The following PRC1 variants were observed in gnomAD, a reference collection of about 807,000 sequenced individuals.
The protein encoded by PRC1 is anaphase spindle elongation 1 homolog.
Under a neutral mutation model 91.2 loss-of-function variants are expected in PRC1, and 54 were observed. That is an observed-to-expected ratio of 0.59 (90% CI 0.48 to 0.74). PRC1 has a LOEUF of 0.74. Ranked by LOEUF, PRC1 falls within the 30% of genes least tolerant of loss-of-function variation. The pLI is 0.00. For synonymous variants in PRC1, 275 were observed against 263.6 expected (o/e 1.04, Z -0.42); for missense variants, 727 against 746.2 (o/e 0.97, Z 0.30).
rs61067469 is a variant in PRC1 at position 90,969,763 on chromosome 15, CATATAT to C, written c.1573-146_1573-141del. The stretch of plus-strand genomic sequence containing the variant: ...CTATACTTTTTAGTTAAAAAAAAAA[CATATAT>C]ATATATATATATATATATATATATA... On this transcript the variant is annotated intron_variant, in intron 12 of 14. Coordinates refer to ENST00000394249, the MANE Select transcript of PRC1 (RefSeq NM_003981.4). The C allele has an allele frequency of 6.7e-3, 872 of 130,748 alleles. 9 individuals carry two copies. Among genetic ancestry groups the C allele is most frequent in the South Asian group, 0.016 (58 of 3,600 alleles). 8.1% of individuals were successfully genotyped at this position (130,748 alleles called of 1,614,324 possible).
At position 90,974,648 on chromosome 15, in the gene PRC1, C is replaced by T. The variant is rs150537199; in HGVS notation, c.1287G>A (p.Met429Ile). 48 of 1,614,120 alleles carry T rather than the reference C, an allele frequency of 3.0e-5. No homozygotes were observed. Among genetic ancestry groups the T allele is most frequent in the Non-Finnish European group, 4.0e-5 (47 of 1,180,054 alleles). ...KAFMVNGQKF[M>I]EYVAEQWEMH... The stretch of plus-strand genomic sequence containing the variant: ...TCTCCCATTGTTCTGCCACATACTC[C>T]ATGAATTTCTGCCCATTCACCATAA... Residue 429 changes from methionine to isoleucine, a missense_variant, in exon 10 of 15, where the codon ATG (methionine) becomes ATA (isoleucine). By Grantham distance (10) the Met-to-Ile change is conservative. Transcript: ENST00000394249. The surrounding 1 kb of genome is among the most constrained non-coding windows in gnomAD (Gnocchi z 4.6).
Position 90,969,449 on chromosome 15 carries a change from C to T in PRC1, c.1747G>A (p.Ala583Thr). 1 of 1,593,546 alleles carries T rather than the reference C, an allele frequency of 6.3e-7. No individual in the cohort carries two copies. The highest frequency in any genetic ancestry group is 8.6e-7 in the Non-Finnish European group (1 of 1,167,754). ...NSVASTYSEF[A>T]KDPSLSDSST... The stretch of plus-strand genomic sequence containing the variant: ...AGATATTAGAAAAGGTGAATTACCG[C>T]AAACTCAGAATAGGTGCTGGCAACA... Residue 583 changes from alanine to threonine, a missense_variant and splice_region_variant, in exon 13 of 15, where the codon GCG becomes ACG. Ala to Thr is a moderately conservative substitution (Grantham distance 58). Transcript: ENST00000394249.
At chr15:90,977,970 G>T (rs1202675331) in intron 8 of PRC1, among the ~76,000 whole-genome samples, 1 of 152,190 alleles carries the variant, frequency 6.6e-6, no homozygotes, top group African/African-American at 2.4e-5. Context: ...TTAAGCAGCT[G>T]TAAGATATCC....
At position 90,974,784 on chromosome 15, in the gene PRC1, C is replaced by A; in HGVS notation, c.1204-53G>T. 1 of 1,597,904 alleles carries A rather than the reference C, an allele frequency of 6.3e-7. No individual in the cohort carries two copies. Among genetic ancestry groups the A allele is most frequent in the Non-Finnish European group, 8.6e-7 (1 of 1,166,664 alleles). ...TTACTTCAACTCTTTAGTGCAAAGC[C>A]CAAATGAAATGATTTCCCTAGAGAG... On this transcript the variant is annotated intron_variant, in intron 9 of 14. Transcript: ENST00000394249. The surrounding 1 kb of genome is among the most constrained non-coding windows in gnomAD (Gnocchi z 4.6).
chr15:90,969,130 A>G lies in PRC1; in HGVS notation c.1750-10T>C. 3.7e-6 allele frequency: 6 copies of G among 1,609,732 alleles called. No homozygotes were observed. The highest frequency in any genetic ancestry group is 5.1e-6 in the Non-Finnish European group (6 of 1,176,068). On this transcript the variant is annotated splice_polypyrimidine_tract_variant and intron_variant, in intron 13 of 14. Coordinates refer to ENST00000394249, the MANE Select transcript of PRC1 (RefSeq NM_003981.4). Reference sequence around the variant, plus strand: ...AGAGGGACGGATCCTTCTAAGAACAAAGAATTAAGACAATTACCAAGAACT... The same window carrying G: ...AGAGGGACGGATCCTTCTAAGAACAGAGAATTAAGACAATTACCAAGAACT...
intron 1 of PRC1, among the ~76,000 whole-genome samples, chr15:90,993,240 C>T (rs1316138032): frequency 1.4e-5 from 2 of 137,936 alleles, no homozygotes; most frequent in African/African-American, 5.7e-5. Context: ...GACGTAGTCT[C>T]ACTCTGTCGC....
intron 11 of PRC1, chr15:90,973,067 G>C: frequency 6.6e-6 from 1 of 152,412 alleles, no homozygotes; most frequent in Non-Finnish European, 1.5e-5. Context: ...TGCAGGGACA[G>C]AAAAACCCTT....
chr15:90,967,272 G>A, intron 14 of PRC1, 70 bp from the exon 15 acceptor site: 1 of 1,366,990 alleles, frequency 7.3e-7, no homozygotes. Flanking sequence ...TCTAAGTTTG[G>A]TTAAGTGTCA....
In PRC1 at chr15:90,979,155, T is replaced by C. The variant is rs188824704; in HGVS notation, c.1107+3A>G. ...GTTAAAAACACAAAAACTAGGACAA[T>C]ACCTCAAACTCTAAGAAAAGCCTCC... On this transcript the variant is annotated splice_donor_region_variant and intron_variant, in intron 8 of 14. Coordinates refer to ENST00000394249, the MANE Select transcript of PRC1 (RefSeq NM_003981.4). The C allele has an allele frequency of 5.0e-6, 8 of 1,612,210 alleles. No individual in the cohort carries two copies. In the East Asian group the frequency reaches 1.1e-4, roughly 22 times the overall value.
rs748966695 is a variant in PRC1 at position 90,969,579 on chromosome 15, A to G, written c.1617T>C (p.Thr539=). Residue 539 remains threonine (T), a synonymous_variant, in exon 13 of 15, where the codon ACT becomes ACC. Coordinates refer to ENST00000394249, the MANE Select transcript of PRC1 (RefSeq NM_003981.4). ...STCSGKKTPR[T]GRHGANKENL... is the part of the protein sequence containing the mutation. The stretch of plus-strand genomic sequence containing the variant: ...TCTCCTTGTTGGCTCCATGCCTGCC[A>G]GTACGGGGTGTTTTCTTCCCTGAAC... The G allele has an allele frequency of 1.2e-6, 2 of 1,613,416 alleles. No individual in the cohort carries two copies. The highest frequency in any genetic ancestry group is 1.7e-6 in the Non-Finnish European group (2 of 1,179,580).
intron 9 of PRC1, among the ~76,000 whole-genome samples, chr15:90,975,526 G>GTAT (rs36088839): frequency 1.3e-5 from 2 of 151,878 alleles, no homozygotes; most frequent in Admixed American, 1.3e-4. Flanking sequence ...TCAAAAAATG[G>GTAT]TATTATTATT....
chr15:90,970,462 A>G lies in PRC1; in HGVS notation c.1514T>C (p.Ile505Thr), dbSNP rs1188566059. The G allele has an allele frequency of 5.6e-6, 9 of 1,613,854 alleles. No homozygotes were observed. Among genetic ancestry groups the G allele is most frequent in the Admixed American group, 1.7e-5 (1 of 59,992 alleles). Residue 505 changes from isoleucine to threonine, a missense_variant, in exon 12 of 15, where the codon ATC (isoleucine) becomes ACC (threonine). Ile to Thr is a moderately conservative substitution (Grantham distance 89). Transcript: ENST00000394249. ...GGAGTGGTAGACTGTCCCTCCAAAG[A>G]TAGGCCGAATGCTACTATTGGCCGT... ...NATANSSIRP[I>T]FGGTVYHSPV...
chr15:90,984,849 G>A lies in PRC1; in HGVS notation c.12-24C>T. The A allele has an allele frequency of 6.2e-7, 1 of 1,613,458 alleles. No homozygotes were observed. Among genetic ancestry groups the A allele is most frequent in the Non-Finnish European group, 8.5e-7 (1 of 1,179,698 alleles). ...CACTGAAAACCAAAAACTAAGGCCT[G>A]TTAGTTACATCAGTCACAGCCTCTG... is the stretch of plus-strand genomic sequence containing the variant. On this transcript the variant is annotated intron_variant, in intron 1 of 14. Transcript: ENST00000394249. The surrounding 1 kb of genome is among the most constrained non-coding windows in gnomAD (Gnocchi z 5.1).
intron 14 of PRC1, chr15:90,968,774 T>A: frequency 1.2e-5 from 14 of 1,198,282 alleles, no homozygotes; most frequent in Non-Finnish European, 1.4e-5. Context: ...GGGCCTCTAT[T>A]CTTTCCAGCT....
chr15:90,986,788 TA>T (rs2039607318), intron 1 of PRC1, among the ~76,000 whole-genome samples: 1 of 152,060 alleles, frequency 6.6e-6, no homozygotes, highest in South Asian at 2.1e-4. Flanking sequence ...AAACTACCTG[TA>T]AAGCGAGTCT....
intron 6 of PRC1, chr15:90,980,632 G>T: frequency 1.5e-6 from 1 of 669,202 alleles, no homozygotes; most frequent in Non-Finnish European, 2.4e-6. Context: ...CGATTCTCCT[G>T]TCTCAGCCTC....
chr15:90,980,392 G>C lies in PRC1; in HGVS notation c.823-3C>G, dbSNP rs1465678247. On this transcript the variant is annotated splice_polypyrimidine_tract_variant and splice_region_variant and intron_variant, in intron 6 of 14. Transcript: ENST00000394249. The stretch of plus-strand genomic sequence containing the variant: ...AACCGATCCACTTCTAATTGCAGCT[G>C]AAAGAAAGAAACTTGTTAAGGGTGG... 1 of 1,611,588 alleles carries C rather than the reference G, an allele frequency of 6.2e-7. No individual in the cohort carries two copies. The highest frequency in any genetic ancestry group is 2.2e-5 in the East Asian group (1 of 44,846).
chr15:90,967,243 C>T (rs1679637241), intron 14 of PRC1, 41 bp from the exon 15 acceptor site: 1 of 1,522,220 alleles, frequency 6.6e-7, no homozygotes, highest in Non-Finnish European at 9.1e-7. Context: ...TACTGCCTCT[C>T]TTACACATGG....
At chr15:90,968,838 T>G in intron 14 of PRC1, 3 of 1,326,454 alleles carry the variant, frequency 2.3e-6, no homozygotes, top group Non-Finnish European at 2.9e-6. Context: ...CTGTTAAACG[T>G]GATTTAAAAC....
Sources: allele counts gnomAD v4.1 joint callset (sites outside exome capture counted in the v4.1 genomes callset), GRCh38; gene constraint gnomAD v4.1.1; non-coding constraint Gnocchi (gnomAD v3.1); transcripts MANE v1.5; gene names NCBI Gene and HGNC (gene_info 2026-07-23, HGNC 2026-07-21).